The following DDX11 variants were observed in gnomAD, a reference collection of about 807,000 sequenced individuals.
The protein encoded by DDX11 is DEAD/H-box helicase 11, also known as ATP-dependent DNA helicase DDX11.
DDX11 carries 72 observed loss-of-function variants against 125.2 expected under a neutral mutation model. The observed-to-expected ratio is 0.58, with a 90% CI of 0.48 to 0.70. The LOEUF is 0.70. Among genes scored for constraint, DDX11 ranks in the 30% least tolerant of loss-of-function variants. The pLI, the probability that DDX11 is intolerant of heterozygous loss-of-function variation, is 0.00. For synonymous variants in DDX11, 347 were observed against 452.6 expected (o/e 0.77, Z 2.96); for missense variants, 883 against 1,165.0 (o/e 0.76, Z 3.52).
At chr12:31,103,511 C>T in intron 25 of DDX11, 66 bp from the exon 26 acceptor site, 1 of 1,611,914 alleles carries the variant, frequency 6.2e-7, no homozygotes, top group Non-Finnish European at 8.5e-7. Context: ...GAGGGGGTCG[C>T]CGTGGGAATG....
Position 31,102,972 on chromosome 12 carries a change from C to G in DDX11, c.2409C>G (p.Ile803Met), listed in dbSNP as rs1946661237. 19 of 1,613,860 alleles carry G rather than the reference C, an allele frequency of 1.2e-5. No homozygotes were observed. Among genetic ancestry groups the G allele is most frequent in the Non-Finnish European group, 1.4e-5 (17 of 1,179,856 alleles). Residue 803 changes from isoleucine (I) to methionine (M), a missense_variant, in exon 24 of 27, where the codon ATC (isoleucine) becomes ATG (methionine). Coordinates refer to ENST00000542838, the MANE Select transcript of DDX11 (RefSeq NM_030653.4). ...TGGTGGGCATGCCCTTCCCCAACAT[C>G]AGGTCTGCAGAGCTGCAGGAGAAGA... ...VVMVGMPFPN[I>M]RSAELQEKMA... is the part of the protein sequence containing the mutation.
At chr12:31,089,198 G>A (rs3874113) in intron 7 of DDX11, 47 bp downstream of exon 7, 32 of 1,550,672 alleles carry the variant, frequency 2.1e-5, no homozygotes, top group Non-Finnish European at 2.5e-5. Flanking sequence ...TGCTCCTTTC[G>A]CCACAACTTT....
intron 1 of DDX11, chr12:31,078,006 G>A: frequency 2.7e-6 from 1 of 364,540 alleles, no homozygotes; most frequent in Non-Finnish European, 5.3e-6. Flanking sequence ...CAGAGACGTG[G>A]GAGAAGAAAG....
intron 14 of DDX11, among the ~76,000 whole-genome samples, chr12:31,095,836 C>T (rs1205891055): frequency 6.6e-6 from 1 of 152,160 alleles, no homozygotes; most frequent in Non-Finnish European, 1.5e-5. Flanking sequence ...AGGGAATCCT[C>T]ATCGAAGGAC....
chr12:31,096,323 T>A lies in DDX11; in HGVS notation c.1483-18T>A, dbSNP rs550705143. 6.3e-7 allele frequency: 1 copy of A among 1,576,534 alleles called. No individual in the cohort carries two copies. The highest frequency in any genetic ancestry group is 1.7e-5 in the Admixed American group (1 of 59,230). ...CTCAGTTTGCACTCATGCCTACAGC[T>A]GGGCTTGGTTTTTGCAGGTGCAGCG... On this transcript the variant is annotated intron_variant, in intron 14 of 26. Coordinates refer to ENST00000542838, the MANE Select transcript of DDX11 (RefSeq NM_030653.4).
At chr12:31,092,061 A>G (rs1337897580) in intron 10 of DDX11, among the ~76,000 whole-genome samples, 190 bp downstream of exon 10, 1 of 152,250 alleles carries the variant, frequency 6.6e-6, no homozygotes, top group African/African-American at 2.4e-5. Context: ...GCTATGACAG[A>G]GTGCCTCATT....
chr12:31,081,533 C>G (rs1041662105), intron 2 of DDX11, among the ~76,000 whole-genome samples: 1 of 151,360 alleles, frequency 6.6e-6, no homozygotes, highest in Non-Finnish European at 1.5e-5. Context: ...AGTCATCCAA[C>G]CTGGAATGCA....
chr12:31,098,022 C>T (rs780481926), intron 18 of DDX11, 25 bp downstream of exon 18: 31 of 1,590,904 alleles, frequency 1.9e-5, no homozygotes, highest in African/African-American at 4.0e-5. Flanking sequence ...CCCAGCCCCT[C>T]GTGCCCCAGG....
At chr12:31,087,511 T>G (rs1943363822) in intron 5 of DDX11, 1 of 323,382 alleles carries the variant, frequency 3.1e-6, no homozygotes, top group African/African-American at 2.2e-5. Flanking sequence ...ATGTTTCTGC[T>G]GCTATCTCAG....
chr12:31,074,136 G>T, intron 1 of DDX11, 45 bp downstream of exon 1: 1 of 152,376 alleles, frequency 6.6e-6, no homozygotes, highest in Non-Finnish European at 1.5e-5. Flanking sequence ...GAAGTGGAGG[G>T]CCGGGCCAGC....
chr12:31,098,621 A>C (rs1945761343), intron 18 of DDX11, among the ~76,000 whole-genome samples: 1 of 152,254 alleles, frequency 6.6e-6, no homozygotes, highest in Admixed American at 6.5e-5. Flanking sequence ...GCATTTCTGC[A>C]CAGTGGTGAC....
chr12:31,094,700 T>A, intron 13 of DDX11, 55 bp from the exon 14 acceptor site: 3 of 1,574,982 alleles, frequency 1.9e-6, no homozygotes, highest in Non-Finnish European at 2.6e-6. Context: ...ACCCTGGGAC[T>A]GAAACCTGAG....
At chr12:31,076,607 G>C (rs1940760674) in intron 1 of DDX11, among the ~76,000 whole-genome samples, 1 of 152,210 alleles carries the variant, frequency 6.6e-6, no homozygotes, top group African/African-American at 2.4e-5. Flanking sequence ...TCAGTATCCA[G>C]TAGCTGTATC....
intron 18 of DDX11, among the ~76,000 whole-genome samples, chr12:31,098,550 T>A (rs1945749295): frequency 7.7e-6 from 1 of 130,134 alleles, no homozygotes; most frequent in South Asian, 2.3e-4. Flanking sequence ...GCTTCTCTCT[T>A]GTTAGGTGTG....
rs1565941883 is a variant in DDX11, at chr12:31,103,701, CT to C, written c.2664del (p.Phe888LeufsTer74). 3 of 1,613,846 alleles carry C rather than the reference CT, an allele frequency of 1.9e-6. No individual in the cohort carries two copies. The Admixed American group carries it at 5.0e-5, about 27-fold the overall frequency. On this transcript the variant is annotated frameshift_variant, in exon 26 of 27. Transcript: ENST00000542838. LOFTEE classifies it high-confidence loss of function. ...GAGCCCGTGTGGAGGTCAAAGCTACCTTTGGCCCCGCCATTGCTGCTGTGCA... is the reference window on the plus strand; with the variant it reads ...GAGCCCGTGTGGAGGTCAAAGCTACCTTGGCCCCGCCATTGCTGCTGTGCA... ...IRARVEVKAT[F>X]GPAIAAVQKF...
chr12:31,102,691 G>T (rs1413320250), intron 23 of DDX11, 164 bp downstream of exon 23: 9 of 726,512 alleles, frequency 1.2e-5, no homozygotes, highest in Admixed American at 4.5e-5. Context: ...TCTGGGTTTG[G>T]TCCTGGGAGA....
chr12:31,101,542 G>T (rs1171203192), intron 20 of DDX11: 6 of 512,318 alleles, frequency 1.2e-5, no homozygotes, highest in Non-Finnish European at 1.8e-5. Context: ...CAGGACCCTG[G>T]ACAGAAGAAG....
rs984847280 is a variant in DDX11, at chr12:31,087,604, G to A, written c.639-334G>A. Reference sequence around the variant, plus strand: ...CTGAGATGATGAAGAGCAAATATCCGCCCTGGGGCCTCAGAGGGGTCCAGC... The same window carrying A: ...CTGAGATGATGAAGAGCAAATATCCACCCTGGGGCCTCAGAGGGGTCCAGC... On this transcript the variant is annotated intron_variant, in intron 5 of 26. Transcript: ENST00000542838. The A allele has an allele frequency of 1.5e-5, 6 of 407,686 alleles. 1 individual carries two copies. The highest frequency in any genetic ancestry group is 4.2e-5 in the South Asian group (2 of 47,474). The allele number at this position is 407,686 out of a possible 1,614,324, so 25.3% of individuals were successfully genotyped here. A position where few individuals can be genotyped will look rare whatever the true frequency, so the allele number is the denominator to read the frequency against.
intron 1 of DDX11, among the ~76,000 whole-genome samples, chr12:31,077,777 G>A (rs2140393439): frequency 1.3e-5 from 2 of 151,948 alleles, no homozygotes; most frequent in African/African-American, 4.8e-5. Flanking sequence ...CCGGGAGGCG[G>A]AGCGTGCAGT....
Sources: allele counts gnomAD v4.1 joint callset (sites outside exome capture counted in the v4.1 genomes callset), GRCh38; gene constraint gnomAD v4.1.1; transcripts MANE v1.5; gene names NCBI Gene and HGNC (gene_info 2026-07-23, HGNC 2026-07-21).